The following ITCH variants were observed in gnomAD, a reference collection of about 807,000 sequenced individuals.
ITCH encodes the protein E3 ubiquitin-protein ligase Itchy homolog.
Under a neutral mutation model 126.8 loss-of-function variants are expected in ITCH, and 28 were observed. The observed-to-expected ratio is 0.22, with a 90% CI of 0.16 to 0.30. ITCH has a LOEUF of 0.30. Ranked by LOEUF, ITCH falls within the 10% of genes least tolerant of loss-of-function variation. ITCH has a pLI of 1.00. For missense variants in ITCH, 631 were observed against 1,032.4 expected, an observed-to-expected ratio of 0.61 and a Z score of 5.33; for synonymous variants, 342 against 340.0, an observed-to-expected ratio of 1.01 and a Z score of -0.06.
rs932072366 is a variant in ITCH at position 34,389,991 on chromosome 20, G to T, written c.-21-3800G>T. Among the ~76,000 whole-genome samples, 5 of 151,162 alleles carry T rather than the reference G, an allele frequency of 3.3e-5. No individual in the cohort carries two copies. The South Asian group carries it at 6.3e-4, about 19-fold the overall frequency. ...CAAAAATTAGCTAGGTGTGGTTGTG[G>T]GTGCCTGTAGTCCCAGCTACTGGGG... On this transcript the variant is annotated intron_variant, in intron 2 of 24. Transcript: ENST00000374864.
intron 4 of ITCH, among the ~76,000 whole-genome samples, chr20:34,410,529 A>G (rs918874078): frequency 6.6e-6 from 1 of 152,128 alleles, no homozygotes; most frequent in African/African-American, 2.4e-5. Flanking sequence ...AAATGAAACA[A>G]TGTATTAAAA....
rs1686317138 is a variant in ITCH, at chr20:34,368,577, G to C, written c.-98-817G>C. On this transcript the variant is annotated intron_variant, in intron 1 of 24. Coordinates refer to ENST00000374864, the MANE Select transcript of ITCH (RefSeq NM_031483.7). ...CAGAATTGAATTGCAGCATTCTCTG[G>C]TTGGGAGGTTGGCTTTCAGCTAAAA... Among the ~76,000 whole-genome samples the C allele has an allele frequency of 2.0e-5, 3 of 152,130 alleles. No homozygotes were observed. The South Asian group carries it at 6.2e-4, about 31-fold the overall frequency.
chr20:34,443,402 G>A (rs1475456859), intron 10 of ITCH, among the ~76,000 whole-genome samples: 1 of 151,802 alleles, frequency 6.6e-6, no homozygotes, highest in Admixed American at 6.6e-5. Flanking sequence ...CAGCTACTCC[G>A]GAGGCTGAGG....
intron 6 of ITCH, among the ~76,000 whole-genome samples, chr20:34,418,225 A>G (rs973124241): frequency 7.9e-5 from 12 of 152,140 alleles, no homozygotes; most frequent in Non-Finnish European, 1.3e-4. Context: ...TCGGCCTGCC[A>G]AAGTGCTGGG....
chr20:34,475,906 A>G, intron 16 of ITCH: 1 of 1,101,784 alleles, frequency 9.1e-7, no homozygotes, highest in South Asian at 1.2e-5. Context: ...CCATGAAAAT[A>G]TTCCTATTTG....
chr20:34,444,246 C>T (rs1696156593), intron 10 of ITCH, among the ~76,000 whole-genome samples: 1 of 152,126 alleles, frequency 6.6e-6, no homozygotes, highest in African/African-American at 2.4e-5. Flanking sequence ...TTATTTAGAA[C>T]ATTTGTATCA....
At chr20:34,430,092 C>T (rs1982080699) in intron 7 of ITCH, among the ~76,000 whole-genome samples, 1 of 152,116 alleles carries the variant, frequency 6.6e-6, no homozygotes, top group Non-Finnish European at 1.5e-5. Flanking sequence ...TATTTATTTG[C>T]CTTTATATGA....
chr20:34,441,792 G>T (rs1983789975), intron 9 of ITCH: 1 of 209,962 alleles, frequency 4.8e-6, no homozygotes, highest in South Asian at 7.6e-5. Flanking sequence ...CACCATGTTG[G>T]CCAGGCTGGT....
chr20:34,372,816 A>C (rs1315463148), intron 2 of ITCH, among the ~76,000 whole-genome samples: 1 of 151,854 alleles, frequency 6.6e-6, no homozygotes, highest in African/African-American at 2.4e-5. Flanking sequence ...CAAATATAAA[A>C]CTCCTGGTTT....
chr20:34,475,968 C>G (rs908630876), intron 16 of ITCH: 1 of 1,594,952 alleles, frequency 6.3e-7, no homozygotes, highest in South Asian at 1.1e-5. Flanking sequence ...GCATCAGCCA[C>G]TGTTTCAGGC....
At chr20:34,411,438 G>A (rs910446046) in intron 4 of ITCH, among the ~76,000 whole-genome samples, 22 of 152,212 alleles carry the variant, frequency 1.4e-4, no homozygotes, top group Admixed American at 6.5e-5. Context: ...ACAGGCGTGA[G>A]CCATTGCGCC....
At chr20:34,495,248 A>G (rs1245654670) in intron 23 of ITCH, among the ~76,000 whole-genome samples, 2 of 149,008 alleles carry the variant, frequency 1.3e-5, no homozygotes, top group African/African-American at 2.5e-5. Flanking sequence ...CTGGGCGACA[A>G]GAACAAAACT....
intron 17 of ITCH, 77 bp from the exon 18 acceptor site, chr20:34,479,553 G>GA: frequency 8.1e-7 from 1 of 1,233,348 alleles, no homozygotes; most frequent in South Asian, 1.2e-5. Context: ...ATAGATCCCT[G>GA]AGAACTTTAT....
In ITCH at chr20:34,508,170, A is replaced by C; in HGVS notation, c.*376A>C. 4.0e-6 allele frequency: 1 copy of C among 249,684 alleles called. No individual in the cohort carries two copies. Among genetic ancestry groups the C allele is most frequent in the Non-Finnish European group, 8.0e-6 (1 of 124,820 alleles). 15.5% of individuals were successfully genotyped at this position (249,684 alleles called of 1,614,324 possible). A position where few individuals can be genotyped will look rare whatever the true frequency, so the allele number is the denominator to read the frequency against. On this transcript the variant is annotated 3_prime_UTR_variant, in exon 25 of 25. Transcript: ENST00000374864. ...GCAGGGAAGTCCTTTGGTAACTGCA[A>C]TATACAAGATTTTCCTATTAAGCCT...
intron 16 of ITCH, among the ~76,000 whole-genome samples, chr20:34,474,470 A>G (rs990984209): frequency 9.9e-5 from 15 of 152,262 alleles, no homozygotes; most frequent in African/African-American, 2.7e-4. Context: ...CAGAGAGCAC[A>G]GGGTTGGGGG....
At chr20:34,428,821 A>T (rs1981903202) in intron 7 of ITCH, among the ~76,000 whole-genome samples, 1 of 152,240 alleles carries the variant, frequency 6.6e-6, no homozygotes. Flanking sequence ...TCCATAACTT[A>T]TGAACTTATT....
At chr20:34,378,156 G>C (rs1012926497) in intron 2 of ITCH, among the ~76,000 whole-genome samples, 1 of 151,892 alleles carries the variant, frequency 6.6e-6, no homozygotes, top group African/African-American at 2.4e-5. Context: ...TGAGTATTAA[G>C]AATATCTGAG....
chr20:34,394,470 T>G (rs1305378247), intron 3 of ITCH, among the ~76,000 whole-genome samples: 1 of 152,192 alleles, frequency 6.6e-6, no homozygotes, highest in African/African-American at 2.4e-5. Context: ...TACCCATTTA[T>G]TTATTTACTT....
In ITCH at chr20:34,476,372, T is replaced by A. The variant is rs1315716451; in HGVS notation, c.1570-1400T>A. On this transcript the variant is annotated intron_variant, in intron 16 of 24. Transcript: ENST00000374864. Reference sequence around the variant, plus strand: ...GGTCCCCGGCTCCTCAGCAGGCCGCTGGCTCCAGCGCGGGACCCGGCGTGG... The same window carrying A: ...GGTCCCCGGCTCCTCAGCAGGCCGCAGGCTCCAGCGCGGGACCCGGCGTGG... The A allele has an allele frequency of 5.9e-5, 79 of 1,336,086 alleles. No individual in the cohort carries two copies. The East Asian group carries it at 2.2e-3, about 38-fold the overall frequency. The allele number at this position is 1,336,086 out of a possible 1,614,324, so 82.8% of individuals were successfully genotyped here.
Sources: gnomAD v4.1 joint callset for allele counts (sites outside exome capture counted in the v4.1 genomes callset) on GRCh38, gnomAD v4.1.1 for gene constraint, MANE v1.5 for transcripts, NCBI Gene and HGNC (gene_info 2026-07-23, HGNC 2026-07-21) for gene names.